Variants in PIEZO2 observed in about 807,000 individuals in gnomAD.
The protein encoded by PIEZO2 is piezo-type mechanosensitive ion channel component 2.
A neutral mutation model predicts 337.3 loss-of-function variants in PIEZO2; 172 were observed. The ratio of observed to expected loss-of-function variants is 0.51; its 90% CI spans 0.45 to 0.58. The LOEUF (loss-of-function observed/expected upper bound fraction) is 0.58. PIEZO2 is among the 20% of genes least tolerant of loss of function. PIEZO2 has a pLI of 0.00. For missense variants in PIEZO2, 3,028 were observed against 3,391.3 expected, an observed-to-expected ratio of 0.89 and a Z score of 2.66; for synonymous variants, 1,251 against 1,228.5, an observed-to-expected ratio of 1.02 and a Z score of -0.38.
intron 1 of PIEZO2, among the ~76,000 whole-genome samples, chr18:11,079,460 C>A (rs1031448262): frequency 6.6e-6 from 1 of 152,184 alleles, no homozygotes; most frequent in Non-Finnish European, 1.5e-5. Flanking sequence ...AAAAGTCAAG[C>A]AACAACGTAC....
At chr18:10,801,346 A>G (rs370808555) in intron 10 of PIEZO2, 44 bp downstream of exon 10, 6 of 1,431,712 alleles carry the variant, frequency 4.2e-6, no homozygotes, top group African/African-American at 1.4e-5. Context: ...TTGCCTTTAC[A>G]TCACTTACAC....
intron 3 of PIEZO2, among the ~76,000 whole-genome samples, chr18:10,944,511 GTAACAGATAT>G (rs1341082493): frequency 2.7e-4 from 5 of 18,852 alleles, no homozygotes; most frequent in African/African-American, 1.0e-3. Context: ...ATATATCTTA[GTAACAGATAT>G]ATATATATAT....
intron 5 of PIEZO2, among the ~76,000 whole-genome samples, chr18:10,860,356 A>C (rs1223318288): frequency 6.6e-6 from 1 of 152,168 alleles, no homozygotes; most frequent in Non-Finnish European, 1.5e-5. Context: ...AGCAGAATCC[A>C]TAATCCACAA....
rs939465711 is a variant in PIEZO2, at chr18:10,947,429, G to A, written c.286+32106C>T. Among the ~76,000 whole-genome samples, 15 of 152,258 alleles carry A rather than the reference G, an allele frequency of 9.9e-5. No homozygotes were observed. In the South Asian group the frequency reaches 1.7e-3, roughly 17 times the overall value. ...TGTGTCTTATAAAAGTATGTTTCAG[G>A]AATGAAGGGGAAATAAAGAGATTGC... On this transcript the variant is annotated intron_variant, in intron 3 of 55. Coordinates refer to ENST00000674853, the MANE Select transcript of PIEZO2 (RefSeq NM_001378183.1).
chr18:10,883,259 T>A (rs1263081434), intron 4 of PIEZO2, among the ~76,000 whole-genome samples: 1 of 152,108 alleles, frequency 6.6e-6, no homozygotes, highest in Admixed American at 6.5e-5. Context: ...ACACACAAAT[T>A]TCCTTTCTCT....
At chr18:10,925,667 C>A (rs976669488) in intron 3 of PIEZO2, among the ~76,000 whole-genome samples, 2 of 152,220 alleles carry the variant, frequency 1.3e-5, no homozygotes, top group African/African-American at 4.8e-5. Context: ...GTAAGCTCTG[C>A]CTCCCGTGTT....
At chr18:10,835,743 C>T (rs559304843) in intron 7 of PIEZO2, among the ~76,000 whole-genome samples, 39 of 152,180 alleles carry the variant, frequency 2.6e-4, no homozygotes, top group Non-Finnish European at 4.7e-4. Context: ...GGGATTTCGC[C>T]ATGTTGGCCA....
At chr18:10,780,198 T>A (rs895722995) in intron 18 of PIEZO2, 127 bp downstream of exon 18, 5 of 651,496 alleles carry the variant, frequency 7.7e-6, no homozygotes, top group Non-Finnish European at 1.4e-5. Context: ...AATACATCCA[T>A]GAGCATACCT....
Position 11,111,377 on chromosome 18 carries a change from C to T in PIEZO2, c.64+37148G>A, listed in dbSNP as rs918422569. Among the ~76,000 whole-genome samples the T allele has an allele frequency of 4.6e-5, 7 of 152,170 alleles. No homozygotes were observed. The highest frequency in any genetic ancestry group is 8.8e-5 in the Non-Finnish European group (6 of 68,028). The stretch of plus-strand genomic sequence containing the variant: ...TCTGTTTTCCTAACCAAGTCCTGAA[C>T]CAATGTAAGACTTTTCATAAAAACC... On this transcript the variant is annotated intron_variant, in intron 1 of 55. Transcript: ENST00000674853. This position sits in a 1 kb window ranked among gnomAD's most constrained non-coding sequence, Gnocchi z 6.2.
chr18:10,905,161 T>C (rs1008523109), intron 4 of PIEZO2, among the ~76,000 whole-genome samples: 1 of 152,204 alleles, frequency 6.6e-6, no homozygotes, highest in Admixed American at 6.5e-5. Flanking sequence ...TTTATGCACA[T>C]ACAGTCTGAA....
At position 10,773,294 on chromosome 18, in the gene PIEZO2, C is replaced by A. The variant is rs1015968471; in HGVS notation, c.2785+118G>T. On this transcript the variant is annotated intron_variant, in intron 20 of 55. Transcript: ENST00000674853. The surrounding 1 kb of genome is among the most constrained non-coding windows in gnomAD (Gnocchi z 5.3). ...CTATAGCAATCAAACAAAAACCACT[C>A]CAATTTTTATGTCATGGACTGGGTC... The A allele has an allele frequency of 1.5e-5, 16 of 1,055,182 alleles. No individual in the cohort carries two copies. The African/African-American group carries it at 2.4e-4, about 16-fold the overall frequency. The allele number at this position is 1,055,182 out of a possible 1,614,324, so 65.4% of individuals were successfully genotyped here. A position where few individuals can be genotyped will look rare whatever the true frequency, so the allele number is the denominator to read the frequency against.
chr18:11,138,279 T>C lies in PIEZO2; in HGVS notation c.64+10246A>G, dbSNP rs534705213. Among the ~76,000 whole-genome samples the C allele has an allele frequency of 4.6e-5, 7 of 152,308 alleles. No homozygotes were observed. In the South Asian group the frequency reaches 1.0e-3, roughly 23 times the overall value. ...ACAATCCAAAAGATATAGTGTTTTT[T>C]TTGTTGTTGTTGTAGTTTTGTTTGT... On this transcript the variant is annotated intron_variant, in intron 1 of 55. Transcript: ENST00000674853.
intron 20 of PIEZO2, among the ~76,000 whole-genome samples, chr18:10,770,528 T>C (rs2038556101): frequency 6.6e-6 from 1 of 152,248 alleles, no homozygotes; most frequent in Non-Finnish European, 1.5e-5. Flanking sequence ...GTGGCTTTTG[T>C]CCACCTTTTG....
chr18:10,965,587 T>C (rs1268962676), intron 3 of PIEZO2, among the ~76,000 whole-genome samples: 1 of 152,196 alleles, frequency 6.6e-6, no homozygotes, highest in Non-Finnish European at 1.5e-5. Context: ...ATGAACAATA[T>C]GGTACAGTCT....
Position 10,903,158 on chromosome 18 carries a change from C to A in PIEZO2, c.329+8028G>T, listed in dbSNP as rs2043091415. 6.6e-6 allele frequency among the ~76,000 whole-genome samples: 1 copy of A among 152,184 alleles called. No homozygotes were observed. Among genetic ancestry groups the A allele is most frequent in the Non-Finnish European group, 1.5e-5 (1 of 68,046 alleles). Reference sequence around the variant, plus strand: ...AAGTTGTAACTTCGAATTCTACTTACCTAAAATGCGTTTGGCATACATCTG... The same window carrying A: ...AAGTTGTAACTTCGAATTCTACTTAACTAAAATGCGTTTGGCATACATCTG... On this transcript the variant is annotated intron_variant, in intron 4 of 55. Transcript: ENST00000674853. This position sits in a 1 kb window ranked among gnomAD's most constrained non-coding sequence, Gnocchi z 4.1.
intron 7 of PIEZO2, among the ~76,000 whole-genome samples, chr18:10,849,847 C>G (rs2041487879): frequency 6.6e-6 from 1 of 152,214 alleles, no homozygotes; most frequent in Admixed American, 6.5e-5. Flanking sequence ...GCCAGACTAA[C>G]AGCTGCCATA....
intron 52 of PIEZO2, 75 bp downstream of exon 52, chr18:10,680,124 C>A: frequency 7.5e-7 from 1 of 1,325,852 alleles, no homozygotes; most frequent in Non-Finnish European, 1.0e-6. Flanking sequence ...TTCCATCCCA[C>A]CACACCCTCC....
rs1332060297 is a variant in PIEZO2, at chr18:10,850,544, C to T, written c.917+4809G>A. ...TGTGGGCACTTGTTGCAGCCTTATT[C>T]ATGAGAACAAAAATGAGAAATCATC... On this transcript the variant is annotated intron_variant, in intron 7 of 55. Transcript: ENST00000674853. The surrounding 1 kb of genome is among the most constrained non-coding windows in gnomAD (Gnocchi z 4.5). Among the ~76,000 whole-genome samples, 1 of 152,144 alleles carries T rather than the reference C, an allele frequency of 6.6e-6. No individual in the cohort carries two copies. The highest frequency in any genetic ancestry group is 1.5e-5 in the Non-Finnish European group (1 of 68,020).
intron 1 of PIEZO2, among the ~76,000 whole-genome samples, chr18:11,107,904 A>G (rs906081402): frequency 1.3e-5 from 2 of 152,234 alleles, no homozygotes; most frequent in Non-Finnish European, 2.9e-5. Flanking sequence ...GGCTTTAAGT[A>G]CACAGTATAC....
Sources: allele counts gnomAD v4.1 joint callset (sites outside exome capture counted in the v4.1 genomes callset), GRCh38; gene constraint gnomAD v4.1.1; non-coding constraint Gnocchi (gnomAD v3.1); transcripts MANE v1.5; gene names NCBI Gene and HGNC (gene_info 2026-07-23, HGNC 2026-07-21).